Variants in TIPIN observed in about 807,000 individuals in gnomAD.
TIPIN encodes TIMELESS-interacting protein.
A neutral mutation model predicts 35.6 loss-of-function variants in TIPIN; 29 were observed. The ratio of observed to expected loss-of-function variants is 0.82; its 90% CI spans 0.61 to 1.11. The LOEUF (loss-of-function observed/expected upper bound fraction) is 1.11. Among genes scored for constraint, TIPIN ranks in the 50% most tolerant of loss-of-function variants. The pLI is 0.00. For missense variants in TIPIN, 296 were observed against 345.4 expected, an observed-to-expected ratio of 0.86 and a Z score of 1.13; for synonymous variants, 102 against 121.5, an observed-to-expected ratio of 0.84 and a Z score of 1.06.
upstream of TIPIN, among the ~76,000 whole-genome samples, chr15:66,359,887 C>T (rs1463854168): frequency 6.6e-6 from 1 of 152,066 alleles, no homozygotes; most frequent in African/African-American, 2.4e-5. Context: ...ATCTCAGTTC[C>T]GTCATTTACT....
chr15:66,364,469 C>T (rs1299163620), intron 1 of TIPIN, among the ~76,000 whole-genome samples: 1 of 151,968 alleles, frequency 6.6e-6, no homozygotes, highest in Non-Finnish European at 1.5e-5. Context: ...GCCAAGAAGT[C>T]TTTCATGAAG....
At chr15:66,338,626 G>A (rs1361437437) in intron 7 of TIPIN, among the ~76,000 whole-genome samples, 4 of 151,318 alleles carry the variant, frequency 2.6e-5, no homozygotes, top group African/African-American at 9.7e-5. Flanking sequence ...CATCCTGGCT[G>A]ATACGGTGAA....
chr15:66,379,497 T>G (rs2093310046), intron 1 of TIPIN: 1 of 1,609,618 alleles, frequency 6.2e-7, no homozygotes, highest in African/African-American at 1.3e-5. Flanking sequence ...TTCATCTTTC[T>G]GGGCTTGAGA....
At chr15:66,361,765 T>C (rs1198128036) in intron 1 of TIPIN, among the ~76,000 whole-genome samples, 1 of 150,852 alleles carries the variant, frequency 6.6e-6, no homozygotes, top group African/African-American at 2.4e-5. Flanking sequence ...CCCAGCACTT[T>C]GGGAGGCTGA....
At chr15:66,354,087 G>A (rs1320357799) in intron 1 of TIPIN, among the ~76,000 whole-genome samples, 6 of 151,994 alleles carry the variant, frequency 3.9e-5, no homozygotes, top group East Asian at 3.9e-4. Flanking sequence ...CTTCTACCCC[G>A]GCCATTAAGT....
At chr15:66,349,588 A>G (rs746626023) in intron 4 of TIPIN, 151 bp from the exon 5 acceptor site, 42 of 1,026,560 alleles carry the variant, frequency 4.1e-5, no homozygotes, top group Non-Finnish European at 5.5e-5. Flanking sequence ...CTTTAATAAG[A>G]AAAATATTGG....
At chr15:66,361,719 C>T (rs2093232136) in intron 1 of TIPIN, among the ~76,000 whole-genome samples, 1 of 152,058 alleles carries the variant, frequency 6.6e-6, no homozygotes, top group African/African-American at 2.4e-5. Context: ...AAGAGTTTAA[C>T]GTTTTAGGCC....
upstream of TIPIN, among the ~76,000 whole-genome samples, chr15:66,361,087 T>A (rs12593773): frequency 6.6e-6 from 1 of 151,056 alleles, no homozygotes; most frequent in South Asian, 2.1e-4. Context: ...GAGCAAAGAT[T>A]GTGCCACTGC....
At chr15:66,341,051 C>T in intron 7 of TIPIN, 99 bp downstream of exon 7, 2 of 1,063,002 alleles carry the variant, frequency 1.9e-6, no homozygotes, top group Non-Finnish European at 2.8e-6. Flanking sequence ...TTTTCCACTC[C>T]TAGAAGTATT....
intron 4 of TIPIN, among the ~76,000 whole-genome samples, chr15:66,351,196 CAG>C (rs1555408337): frequency 6.6e-6 from 1 of 152,192 alleles, no homozygotes; most frequent in Non-Finnish European, 1.5e-5. Context: ...CTGATACAGG[CAG>C]AGTCCTTGCC....
At chr15:66,341,449 A>G in intron 6 of TIPIN, 93 bp from the exon 7 acceptor site, 1 of 1,055,396 alleles carries the variant, frequency 9.5e-7, no homozygotes, top group Non-Finnish European at 1.3e-6. Context: ...AAGGTGACAG[A>G]CCTGAAAAAA....
rs551485398 is a variant in TIPIN at position 66,372,952 on chromosome 15, A to G, written c.-9+13655T>C. 3.9e-4 allele frequency among the ~76,000 whole-genome samples: 60 copies of G among 152,172 alleles called. No individual in the cohort carries two copies. The Middle Eastern group carries it at 0.01, about 26-fold the overall frequency. ...TACCAAATTTTAATGTAGCTTTTCT[A>G]TGTTTAGATACAGAAATATCATTGT... On this transcript the variant is annotated intron_variant, in intron 1 of 7. Coordinates refer to the TIPIN transcript ENST00000562124.
At chr15:66,338,335 A>G (rs1478821876) in intron 7 of TIPIN, among the ~76,000 whole-genome samples, 1 of 152,204 alleles carries the variant, frequency 6.6e-6, no homozygotes, top group African/African-American at 2.4e-5. Context: ...GTGATCCATA[A>G]GAAACTTTAA....
intron 4 of TIPIN, among the ~76,000 whole-genome samples, chr15:66,350,939 A>T (rs1342008906): frequency 1.3e-5 from 1 of 76,730 alleles, no homozygotes; most frequent in Admixed American, 1.4e-4. Context: ...ACTCCGTCTT[A>T]AAAAAAAAAA....
intron 6 of TIPIN, among the ~76,000 whole-genome samples, chr15:66,343,920 C>T (rs62627316): frequency 4.7e-4 from 72 of 152,134 alleles, no homozygotes; most frequent in African/African-American, 1.7e-3. Flanking sequence ...ATCACTTGAA[C>T]CCGGGAGGCA....
intron 1 of TIPIN, among the ~76,000 whole-genome samples, chr15:66,363,372 G>A (rs927971924): frequency 2.0e-5 from 3 of 151,984 alleles, no homozygotes; most frequent in African/African-American, 4.8e-5. Context: ...GGCCGGGCAC[G>A]GTGGCTCACA....
chr15:66,359,106 C>T (rs1268952714), upstream of TIPIN, among the ~76,000 whole-genome samples: 1 of 150,706 alleles, frequency 6.6e-6, no homozygotes. Context: ...GAGCCATGAT[C>T]ATGCCACTGC....
At chr15:66,377,959 C>T (rs1483159435) in intron 1 of TIPIN, among the ~76,000 whole-genome samples, 1 of 152,100 alleles carries the variant, frequency 6.6e-6, no homozygotes. Context: ...AATTCTCTTG[C>T]CTCAGTCTCC....
At chr15:66,368,555 G>C (rs529851912) in intron 1 of TIPIN, among the ~76,000 whole-genome samples, 2 of 152,044 alleles carry the variant, frequency 1.3e-5, no homozygotes, top group African/African-American at 4.8e-5. Flanking sequence ...TAAAAATATA[G>C]TCTATAAACT....
Sources: allele counts gnomAD v4.1 joint callset (sites outside exome capture counted in the v4.1 genomes callset), GRCh38; gene constraint gnomAD v4.1.1; transcripts MANE v1.5; gene names NCBI Gene and HGNC (gene_info 2026-07-23, HGNC 2026-07-21).